RARA: variants seen among roughly 807,000 people sequenced by gnomAD.
RARA encodes the protein PML-DDX5-RARA fusion.
RARA carries 5 observed loss-of-function variants against 42.8 expected under a neutral mutation model. The ratio of observed to expected loss-of-function variants is 0.12; its 90% CI spans 0.06 to 0.25. The LOEUF (loss-of-function observed/expected upper bound fraction) is 0.25, where lower values mean the gene tolerates loss of function less well. Ranked by LOEUF, RARA falls within the 10% of genes least tolerant of loss-of-function variation. The pLI, the probability that RARA is intolerant of heterozygous loss-of-function variation, is 1.00. For missense variants in RARA, 402 were observed against 628.7 expected (o/e 0.64, Z 3.86); for synonymous variants, 256 against 259.5 (o/e 0.99, Z 0.13).
intron 1 of RARA, among the ~76,000 whole-genome samples, chr17:40,316,128 A>G (rs566375877): frequency 6.6e-6 from 1 of 152,326 alleles, no homozygotes; most frequent in South Asian, 2.1e-4. Context: ...GGCCTTGGAC[A>G]GGTGGTACTG....
At chr17:40,323,826 C>G (rs1845005163) in intron 1 of RARA, among the ~76,000 whole-genome samples, 1 of 57,982 alleles carries the variant, frequency 1.7e-5, no homozygotes, top group Non-Finnish European at 3.4e-5. Flanking sequence ...TATCCTGAGG[C>G]AGGACTTGGT....
Position 40,331,157 on chromosome 17 carries a change from C to A in RARA, c.-62C>A. On this transcript the variant is annotated 5_prime_UTR_variant, in exon 2 of 9. It adds an upstream start codon to the 5' untranslated region. Coordinates refer to ENST00000254066, the MANE Select transcript of RARA (RefSeq NM_000964.4). The stretch of plus-strand genomic sequence containing the variant: ...GCCCCATGCCCCGAGGAGGGGTGGT[C>A]TGAAGCCCACCAGAGCCCCCTGCCA... 2 of 1,510,940 alleles carry A rather than the reference C, an allele frequency of 1.3e-6. No individual in the cohort carries two copies. The highest frequency in any genetic ancestry group is 2.5e-5 in the South Asian group (2 of 80,208). The allele number at this position is 1,510,940 out of a possible 1,614,324, so 93.6% of individuals were successfully genotyped here.
intron 2 of RARA, among the ~76,000 whole-genome samples, chr17:40,332,296 G>A (rs1397287253): frequency 6.6e-6 from 1 of 152,160 alleles, no homozygotes; most frequent in East Asian, 1.9e-4. Flanking sequence ...GAGGGTGGAA[G>A]CAGCAGAATG....
At position 40,320,050 on chromosome 17, in the gene RARA, A is replaced by G. The variant is rs1567745933; in HGVS notation, c.-363+10764A>G. ...GAGGTCAGGAGGGTCAGACTGGAGT[A>G]GCCTCTTGGGAGCTGAGGATCTTGG... On this transcript the variant is annotated intron_variant, in intron 1 of 8. Transcript: ENST00000254066. This position sits in a 1 kb window ranked among gnomAD's most constrained non-coding sequence, Gnocchi z 4.1. Among the ~76,000 whole-genome samples the G allele has an allele frequency of 6.6e-6, 1 of 152,076 alleles. No individual in the cohort carries two copies. The highest frequency in any genetic ancestry group is 1.5e-5 in the Non-Finnish European group (1 of 68,002).
Position 40,335,720 on chromosome 17 carries a change from A to G in RARA, c.178+4324A>G, listed in dbSNP as rs540293234. On this transcript the variant is annotated intron_variant, in intron 2 of 8. Transcript: ENST00000254066. ...AAAAAAGATAATAAAATAAAACTTA[A>G]GACACTGGCTGCGTGCAGTGGCGCC... is the stretch of plus-strand genomic sequence containing the variant. Among the ~76,000 whole-genome samples, 5 of 150,090 alleles carry G rather than the reference A, an allele frequency of 3.3e-5. No homozygotes were observed. In the South Asian group the frequency reaches 1.1e-3, roughly 32 times the overall value.
At chr17:40,311,550 C>T (rs2033095765) in intron 1 of RARA, among the ~76,000 whole-genome samples, 1 of 152,186 alleles carries the variant, frequency 6.6e-6, no homozygotes, top group Non-Finnish European at 1.5e-5. Context: ...AGAAATGTTT[C>T]ACTTTGCCTC....
intron 1 of RARA, among the ~76,000 whole-genome samples, chr17:40,325,881 C>G (rs374194424): frequency 1.3e-5 from 2 of 152,214 alleles, no homozygotes; most frequent in Non-Finnish European, 2.9e-5. Flanking sequence ...AGGTTGGGGC[C>G]AGTCCCGGCT....
Position 40,355,252 on chromosome 17 carries a change from T to G in RARA, c.1013-11T>G. ...TTCCCAGCTGCTCAGGGGGTGGTTCTGCTTCCTCAGACCGCCAGGACCTGG... is the reference window on the plus strand; with the variant it reads ...TTCCCAGCTGCTCAGGGGGTGGTTCGGCTTCCTCAGACCGCCAGGACCTGG... On this transcript the variant is annotated splice_polypyrimidine_tract_variant and intron_variant, in intron 7 of 8. Coordinates refer to ENST00000254066, the MANE Select transcript of RARA (RefSeq NM_000964.4). This position sits in a 1 kb window ranked among gnomAD's most constrained non-coding sequence, Gnocchi z 4.1. 1 of 1,558,706 alleles carries G rather than the reference T, an allele frequency of 6.4e-7. No individual in the cohort carries two copies. The highest frequency in any genetic ancestry group is 1.2e-5 in the South Asian group (1 of 85,472).
chr17:40,333,404 AC>A (rs1248735844), intron 2 of RARA, among the ~76,000 whole-genome samples: 1 of 152,020 alleles, frequency 6.6e-6, no homozygotes, highest in East Asian at 1.9e-4. Context: ...GTGCAGTGGC[AC>A]CATCTTGGCT....
rs1433691289 is a variant in RARA, at chr17:40,351,504, C to G, written c.470-406C>G. 7 of 474,714 alleles carry G rather than the reference C, an allele frequency of 1.5e-5. No homozygotes were observed. In the East Asian group the frequency reaches 3.4e-4, roughly 23 times the overall value. 29.4% of individuals were successfully genotyped at this position (474,714 alleles called of 1,614,324 possible). On this transcript the variant is annotated intron_variant, in intron 4 of 8. Transcript: ENST00000254066. The surrounding 1 kb of genome is among the most constrained non-coding windows in gnomAD (Gnocchi z 4.1). ...GCTCAGAGCCAGTCCCAAGGGACCC[C>G]CAGGGAGACTGCAGCTGGGAGGGCT...
chr17:40,339,779 C>T (rs1183339410), intron 2 of RARA, among the ~76,000 whole-genome samples: 1 of 152,236 alleles, frequency 6.6e-6, no homozygotes, highest in African/African-American at 2.4e-5. Flanking sequence ...CCATTTGGGA[C>T]ATCTTTTCCT....
chr17:40,350,112 T>G (rs998237784), intron 4 of RARA, 187 bp downstream of exon 4: 7 of 874,432 alleles, frequency 8.0e-6, no homozygotes, highest in Admixed American at 5.8e-5. Context: ...TCTGGCTGGC[T>G]GTGTGTCCAC....
chr17:40,342,665 A>G (rs2034109032), intron 2 of RARA: 1 of 1,577,278 alleles, frequency 6.3e-7, no homozygotes, highest in Non-Finnish European at 8.6e-7. Context: ...GGCGGCGCGC[A>G]GGACTTCCCA....
chr17:40,334,836 C>G (rs1201338387), intron 2 of RARA, among the ~76,000 whole-genome samples: 1 of 152,214 alleles, frequency 6.6e-6, no homozygotes, highest in Non-Finnish European at 1.5e-5. Context: ...CCTGGGTGCG[C>G]CCTTCAGAGA....
chr17:40,328,921 T>A (rs2033618156), intron 1 of RARA, among the ~76,000 whole-genome samples: 1 of 152,222 alleles, frequency 6.6e-6, no homozygotes, highest in South Asian at 2.1e-4. Context: ...ATCTCTTGGG[T>A]AGATACCTAG....
rs1452667301 is a variant in RARA at position 40,351,367 on chromosome 17, T to C, written c.470-543T>C. The C allele has an allele frequency of 2.4e-6, 1 of 409,674 alleles. No homozygotes were observed. The highest frequency in any genetic ancestry group is 7.5e-5 in the East Asian group (1 of 13,268). 25.4% of individuals were successfully genotyped at this position (409,674 alleles called of 1,614,324 possible). ...TTTAAAGCCGAGTGGTGTGTGCGGC[T>C]CAGCGCCCCTGGTGATTTGTCAGCT... On this transcript the variant is annotated intron_variant, in intron 4 of 8. Coordinates refer to ENST00000254066, the MANE Select transcript of RARA (RefSeq NM_000964.4). The surrounding 1 kb of genome is among the most constrained non-coding windows in gnomAD (Gnocchi z 4.1).
At chr17:40,336,475 T>G (rs2033854047) in intron 2 of RARA, among the ~76,000 whole-genome samples, 1 of 152,170 alleles carries the variant, frequency 6.6e-6, no homozygotes, top group Non-Finnish European at 1.5e-5. Context: ...CACCGCAACC[T>G]CTGCCTCCCA....
At chr17:40,313,355 CTG>C (rs1329721680) in intron 1 of RARA, among the ~76,000 whole-genome samples, 1 of 152,176 alleles carries the variant, frequency 6.6e-6, no homozygotes, top group Non-Finnish European at 1.5e-5. Context: ...GAGGCCCCCT[CTG>C]AGGCCTGGAG....
At position 40,352,246 on chromosome 17, in the gene RARA, G is replaced by A; in HGVS notation, c.631-85G>A. 3 of 1,516,276 alleles carry A rather than the reference G, an allele frequency of 2.0e-6. No homozygotes were observed. Among genetic ancestry groups the A allele is most frequent in the Non-Finnish European group, 2.6e-6 (3 of 1,135,818 alleles). The allele number at this position is 1,516,276 out of a possible 1,614,324, so 93.9% of individuals were successfully genotyped here. On this transcript the variant is annotated intron_variant, in intron 5 of 8. Coordinates refer to ENST00000254066, the MANE Select transcript of RARA (RefSeq NM_000964.4). The surrounding 1 kb of genome is among the most constrained non-coding windows in gnomAD (Gnocchi z 4.9). ...GGAGCTCCCAGGAAGTGAAGGCTGGGTAGAGGGCAGGCCTGTGGGGGCTGG... is the reference window on the plus strand; with the variant it reads ...GGAGCTCCCAGGAAGTGAAGGCTGGATAGAGGGCAGGCCTGTGGGGGCTGG...
Sources: gnomAD v4.1 joint callset for allele counts (sites outside exome capture counted in the v4.1 genomes callset) on GRCh38, gnomAD v4.1.1 for gene constraint, Gnocchi (gnomAD v3.1) non-coding constraint, MANE v1.5 for transcripts, NCBI Gene and HGNC (gene_info 2026-07-23, HGNC 2026-07-21) for gene names.